The following ZBTB20 variants were observed in gnomAD, a reference collection of about 807,000 sequenced individuals.
ZBTB20 encodes zinc finger and BTB domain-containing protein 20.
A neutral mutation model predicts 56.9 loss-of-function variants in ZBTB20; 9 were observed. The observed-to-expected ratio is 0.16, with a 90% CI of 0.10 to 0.28. The LOEUF (loss-of-function observed/expected upper bound fraction) is 0.28, where lower values mean the gene tolerates loss of function less well. ZBTB20 is among the 10% of genes least tolerant of loss of function. ZBTB20 has a pLI of 1.00. For synonymous variants in ZBTB20, 417 were observed against 420.7 expected (o/e 0.99, Z 0.11); for missense variants, 655 against 1,003.0 (o/e 0.65, Z 4.69).
At chr3:114,967,667 T>C (rs1203841881) in intron 3 of ZBTB20, among the ~76,000 whole-genome samples, 3 of 152,158 alleles carry the variant, frequency 2.0e-5, no homozygotes, top group African/African-American at 7.2e-5. Context: ...ATTTAAAAAG[T>C]TGATCTCGGC....
chr3:114,938,865 A>G (rs2076637291), intron 3 of ZBTB20, among the ~76,000 whole-genome samples: 1 of 146,182 alleles, frequency 6.8e-6, no homozygotes, highest in Non-Finnish European at 1.5e-5. Context: ...TGTACTGAAC[A>G]TGTACAGAGT....
chr3:114,513,283 A>T (rs2045613000), intron 6 of ZBTB20, among the ~76,000 whole-genome samples: 1 of 152,230 alleles, frequency 6.6e-6, no homozygotes, highest in Non-Finnish European at 1.5e-5. Flanking sequence ...GCATCAACAG[A>T]CGTGAACAAA....
chr3:114,781,856 C>G (rs1383087478), intron 5 of ZBTB20, among the ~76,000 whole-genome samples: 1 of 152,190 alleles, frequency 6.6e-6, no homozygotes, highest in Non-Finnish European at 1.5e-5. Flanking sequence ...CTTTCCTTCT[C>G]TCTTCCCTGC....
At chr3:114,731,599 T>C (rs1293571409) in intron 5 of ZBTB20, among the ~76,000 whole-genome samples, 1 of 152,192 alleles carries the variant, frequency 6.6e-6, no homozygotes, top group African/African-American at 2.4e-5. Context: ...TATTATGATA[T>C]TGAGCCATTT....
intron 5 of ZBTB20, among the ~76,000 whole-genome samples, chr3:114,765,192 T>C (rs2068704160): frequency 6.6e-6 from 1 of 152,122 alleles, no homozygotes; most frequent in African/African-American, 2.4e-5. Context: ...CAAAAAATAG[T>C]GTTCATAATT....
At chr3:114,997,334 T>C (rs1225948359) in intron 2 of ZBTB20, among the ~76,000 whole-genome samples, 2 of 151,774 alleles carry the variant, frequency 1.3e-5, no homozygotes, top group East Asian at 3.9e-4. Flanking sequence ...GTGGTGATGT[T>C]TGTACAACCT....
At chr3:114,380,099 G>T in intron 10 of ZBTB20, 118 bp downstream of exon 10, 3 of 1,094,236 alleles carry the variant, frequency 2.7e-6, no homozygotes, top group Non-Finnish European at 2.5e-6. Flanking sequence ...CATTACTTTT[G>T]GCTGCTTTAG....
intron 4 of ZBTB20, among the ~76,000 whole-genome samples, chr3:114,858,316 C>T (rs560347969): frequency 1.3e-5 from 2 of 152,152 alleles, no homozygotes; most frequent in African/African-American, 4.8e-5. Flanking sequence ...GGTTTAAATA[C>T]AGGAGGTAAA....
intron 7 of ZBTB20, among the ~76,000 whole-genome samples, chr3:114,405,381 G>A (rs2087215899): frequency 6.6e-6 from 1 of 152,102 alleles, no homozygotes; most frequent in Admixed American, 6.6e-5. Context: ...TACAATTTGA[G>A]TTTCACTTCC....
intron 3 of ZBTB20, among the ~76,000 whole-genome samples, chr3:114,914,404 G>A (rs2075664252): frequency 6.6e-6 from 1 of 151,892 alleles, no homozygotes; most frequent in African/African-American, 2.4e-5. Context: ...AAATGTCACT[G>A]ACTTTTGTAT....
rs570265748 is a variant in ZBTB20 at position 114,606,635 on chromosome 3, G to A, written c.-295+86893C>T. ...CTGAAGACATGCTGGGCTGACAAGG[G>A]AGATTAGGAAACATAAATCCCCACC... On this transcript the variant is annotated intron_variant, in intron 6 of 11. Transcript: ENST00000675478. Among the ~76,000 whole-genome samples the A allele has an allele frequency of 7.2e-5, 11 of 152,182 alleles. No individual in the cohort carries two copies. In the South Asian group the frequency reaches 2.3e-3, roughly 32 times the overall value.
intron 3 of ZBTB20, among the ~76,000 whole-genome samples, chr3:114,920,360 A>C (rs1395863847): frequency 6.6e-6 from 1 of 152,180 alleles, no homozygotes; most frequent in African/African-American, 2.4e-5. Context: ...GTCTCCAAAT[A>C]GATCAGATGT....
intron 6 of ZBTB20, among the ~76,000 whole-genome samples, chr3:114,511,499 G>A (rs2045381102): frequency 6.6e-6 from 1 of 152,106 alleles, no homozygotes; most frequent in African/African-American, 2.4e-5. Flanking sequence ...GTAGCAAATT[G>A]GTTCACCTTG....
intron 7 of ZBTB20, among the ~76,000 whole-genome samples, chr3:114,448,006 G>C (rs561413182): frequency 5.9e-5 from 9 of 152,264 alleles, no homozygotes; most frequent in African/African-American, 2.2e-4. Context: ...GGTTGTTGAA[G>C]GAAATGTCTC....
At chr3:115,087,608 A>C (rs1220710556) in intron 1 of ZBTB20, among the ~76,000 whole-genome samples, 2 of 151,884 alleles carry the variant, frequency 1.3e-5, no homozygotes, top group Non-Finnish European at 2.9e-5. Flanking sequence ...CAATTTCCTC[A>C]CTGGAGCAAT....
chr3:114,806,807 C>T (rs1037708753), intron 4 of ZBTB20, among the ~76,000 whole-genome samples: 3 of 151,892 alleles, frequency 2.0e-5, no homozygotes, highest in East Asian at 1.9e-4. Flanking sequence ...GTCCTAGGTT[C>T]GTGAATATTC....
intron 1 of ZBTB20, among the ~76,000 whole-genome samples, chr3:115,141,101 C>A (rs1281604872): frequency 6.6e-6 from 1 of 151,980 alleles, no homozygotes; most frequent in Non-Finnish European, 1.5e-5. Context: ...TATATGACAC[C>A]TTGAAAACAG....
chr3:114,757,410 A>G (rs1466097043), intron 5 of ZBTB20, among the ~76,000 whole-genome samples: 1 of 152,186 alleles, frequency 6.6e-6, no homozygotes, highest in African/African-American at 2.4e-5. Context: ...TAAAAATCAG[A>G]GTGCTGTATT....
At chr3:114,366,113 A>G (rs1170330946) in intron 10 of ZBTB20, among the ~76,000 whole-genome samples, 1 of 152,252 alleles carries the variant, frequency 6.6e-6, no homozygotes, top group Non-Finnish European at 1.5e-5. Context: ...GGGATTCAGC[A>G]GTGGACAAGG....
Sources: gnomAD v4.1 joint callset for allele counts (sites outside exome capture counted in the v4.1 genomes callset) on GRCh38, gnomAD v4.1.1 for gene constraint, MANE v1.5 for transcripts, NCBI Gene and HGNC (gene_info 2026-07-23, HGNC 2026-07-21) for gene names.